C14orf93: variants seen among roughly 807,000 people sequenced by gnomAD.
C14orf93 encodes the protein chromosome 14 open reading frame 93, also known as uncharacterized protein C14orf93.
A neutral mutation model predicts 44.0 loss-of-function variants in C14orf93; 23 were observed. That is an observed-to-expected ratio of 0.52 (90% CI 0.38 to 0.74). C14orf93 has a LOEUF of 0.74. C14orf93 is among the 30% of genes least tolerant of loss of function. C14orf93 has a pLI of 0.00. For synonymous variants in C14orf93, 253 were observed against 265.7 expected (o/e 0.95, Z 0.46); for missense variants, 579 against 678.9 (o/e 0.85, Z 1.64).
intron 1 of C14orf93, among the ~76,000 whole-genome samples, chr14:23,001,594 A>T (rs535155947): frequency 6.6e-6 from 1 of 152,184 alleles, no homozygotes; most frequent in East Asian, 1.9e-4. Context: ...CCTCCCAAGT[A>T]GCTGGGATCA....
At chr14:23,009,093 T>G (rs2046767972) in intron 1 of C14orf93, among the ~76,000 whole-genome samples, 2 of 152,216 alleles carry the variant, frequency 1.3e-5, no homozygotes, top group Non-Finnish European at 2.9e-5. Context: ...CAAAACCACT[T>G]AGGCAAAACA....
chr14:22,988,957 C>T (rs1235086054), intron 5 of C14orf93, among the ~76,000 whole-genome samples: 2 of 152,016 alleles, frequency 1.3e-5, no homozygotes, highest in Non-Finnish European at 1.5e-5. Flanking sequence ...CAACAATCTA[C>T]CCCTATTGCC....
chr14:23,001,894 A>T (rs2139701923), intron 1 of C14orf93, among the ~76,000 whole-genome samples: 1 of 147,496 alleles, frequency 6.8e-6, no homozygotes, highest in Middle Eastern at 3.5e-3. Context: ...CACGCCTGTA[A>T]TCCCAGCACT....
intron 3 of C14orf93, among the ~76,000 whole-genome samples, chr14:22,991,252 C>T (rs1339433265): frequency 1.3e-5 from 2 of 150,800 alleles, no homozygotes; most frequent in African/African-American, 2.4e-5. Context: ...GCCAGCCGGG[C>T]GCGGTGGCTC....
At chr14:22,992,547 A>G (rs1416123027) in intron 3 of C14orf93, among the ~76,000 whole-genome samples, 2 of 150,696 alleles carry the variant, frequency 1.3e-5, no homozygotes, top group African/African-American at 4.9e-5. Context: ...ATAGCACCTA[A>G]AATATTTATT....
chr14:22,994,746 AAAG>A (rs1759219410), intron 3 of C14orf93, among the ~76,000 whole-genome samples: 1 of 152,044 alleles, frequency 6.6e-6, no homozygotes, highest in Admixed American at 6.5e-5. Flanking sequence ...AAAAAAAAAA[AAAG>A]AAGTTTTTGG....
intron 1 of C14orf93, chr14:23,005,597 A>G (rs1039295022): frequency 6.6e-5 from 10 of 152,250 alleles, no homozygotes; most frequent in Non-Finnish European, 1.3e-4. Flanking sequence ...GGTCTAAAAA[A>G]GAGAAAAAGA....
chr14:22,999,658 C>T (rs2046196358), intron 1 of C14orf93, among the ~76,000 whole-genome samples: 2 of 152,180 alleles, frequency 1.3e-5, no homozygotes, highest in South Asian at 4.1e-4. Flanking sequence ...CCAGTTATTG[C>T]TACTTTCAAT....
At chr14:22,989,535 G>C (rs577450290) in intron 5 of C14orf93, among the ~76,000 whole-genome samples, 134 of 152,228 alleles carry the variant, frequency 8.8e-4, no homozygotes, top group Non-Finnish European at 1.5e-3. Context: ...TCTCATTTTC[G>C]TTTCAGACTG....
In C14orf93 at chr14:22,986,888, C is replaced by T. The variant is rs146991365; in HGVS notation, c.*327G>A. The T allele has an allele frequency of 8.6e-5, 28 of 327,344 alleles. No individual in the cohort carries two copies. The highest frequency in any genetic ancestry group is 5.9e-4 in the African/African-American group (28 of 47,152). 20.3% of individuals were successfully genotyped at this position (327,344 alleles called of 1,614,324 possible). On this transcript the variant is annotated 3_prime_UTR_variant, in exon 7 of 7. Coordinates refer to ENST00000299088, the MANE Select transcript of C14orf93 (RefSeq NM_021944.4). ...GAACTGGGCAGGGGCAGAAACAACT[C>T]AGAGACAGGGCATATGTCAAGAAGG... is the stretch of plus-strand genomic sequence containing the variant.
chr14:23,003,898 A>ATTTTTTT (rs1170432984), intron 1 of C14orf93, among the ~76,000 whole-genome samples: 3 of 10,380 alleles, frequency 2.9e-4, no homozygotes, highest in Admixed American at 2.1e-3. Context: ...ATATATATAT[A>ATTTTTTT]TTTTTTTTTT....
intron 3 of C14orf93, among the ~76,000 whole-genome samples, chr14:22,991,174 T>TC (rs1385251959): frequency 6.6e-6 from 1 of 151,160 alleles, no homozygotes; most frequent in African/African-American, 2.4e-5. Context: ...TCTTTTCTTT[T>TC]TTTTTTTCTT....
intron 1 of C14orf93, among the ~76,000 whole-genome samples, chr14:23,009,654 G>C (rs962983369): frequency 2.8e-4 from 42 of 152,198 alleles, no homozygotes; most frequent in African/African-American, 9.9e-4. Context: ...TTGGTTCTGG[G>C]GGGGTGGGTG....
rs139260142 is a variant in C14orf93, at chr14:22,999,397, C to T, written c.-374G>A. 2.1e-4 allele frequency: 38 copies of T among 180,418 alleles called. No individual in the cohort carries two copies. The highest frequency in any genetic ancestry group is 6.8e-4 in the African/African-American group (29 of 42,432). The allele number at this position is 180,418 out of a possible 1,614,324, so 11.2% of individuals were successfully genotyped here. On this transcript the variant is annotated 5_prime_UTR_variant, in exon 2 of 7. Coordinates refer to ENST00000299088, the MANE Select transcript of C14orf93 (RefSeq NM_021944.4). The stretch of plus-strand genomic sequence containing the variant: ...AGGGAAGGGATTCAGAAGGACCTTC[C>T]GGCATCTGGAAAGATTAGAAGATTA...
intron 1 of C14orf93, among the ~76,000 whole-genome samples, chr14:23,007,315 T>G (rs1219079277): frequency 6.6e-6 from 1 of 152,220 alleles, no homozygotes; most frequent in African/African-American, 2.4e-5. Flanking sequence ...GGGACAAGAC[T>G]GTGAGGCTTT....
At chr14:23,001,993 A>G (rs1459444807) in intron 1 of C14orf93, among the ~76,000 whole-genome samples, 2 of 151,898 alleles carry the variant, frequency 1.3e-5, no homozygotes, top group African/African-American at 2.4e-5. Context: ...CTAAAAATAC[A>G]AACAAATTAG....
intron 3 of C14orf93, chr14:22,993,729 A>C (rs1336387963): frequency 6.6e-6 from 1 of 152,234 alleles, no homozygotes; most frequent in South Asian, 2.1e-4. Context: ...GAATAAGCTA[A>C]AAATATTTCC....
In C14orf93 at chr14:22,987,481, G is replaced by A. The variant is rs150592497; in HGVS notation, c.1351C>T (p.Arg451Cys). The change falls in exon 7 of 7, where the codon CGC becomes TGC. Residue 451 changes from arginine (R) to cysteine (C), a missense_variant. Arg to Cys is a radical substitution (Grantham distance 180). Coordinates refer to ENST00000299088, the MANE Select transcript of C14orf93 (RefSeq NM_021944.4). The surrounding 1 kb of genome is among the most constrained non-coding windows in gnomAD (Gnocchi z 5.6). ...AGGTGGTAGCAGAGCTCTGTGAGGCGCTGGGCCCGGAAACGGGGAGGGCGG... is the reference window on the plus strand; with the variant it reads ...AGGTGGTAGCAGAGCTCTGTGAGGCACTGGGCCCGGAAACGGGGAGGGCGG... ...VARPPRFRAQ[R>C]LTELCYHLDA... is the part of the protein sequence containing the mutation. 42 of 1,614,100 alleles carry A rather than the reference G, an allele frequency of 2.6e-5. No homozygotes were observed. Among genetic ancestry groups the A allele is most frequent in the South Asian group, 2.2e-4 (20 of 91,090 alleles).
At chr14:23,003,879 T>A (rs2046447919) in intron 1 of C14orf93, among the ~76,000 whole-genome samples, 1 of 16,208 alleles carries the variant, frequency 6.2e-5, no homozygotes, top group African/African-American at 2.8e-4. Flanking sequence ...TATATATATA[T>A]ATATATATAT....
Sources: gnomAD v4.1 joint callset for allele counts (sites outside exome capture counted in the v4.1 genomes callset) on GRCh38, gnomAD v4.1.1 for gene constraint, Gnocchi (gnomAD v3.1) non-coding constraint, MANE v1.5 for transcripts, NCBI Gene and HGNC (gene_info 2026-07-23, HGNC 2026-07-21) for gene names.